Variants in ZPLD1 observed in about 807,000 individuals in gnomAD.
ZPLD1 encodes zona pellucida like domain containing 1.
In ZPLD1, 34 loss-of-function variants were observed where a neutral mutation model predicts 47.2. The observed-to-expected ratio is 0.72, with a 90% confidence interval of 0.55 to 0.96. The LOEUF (loss-of-function observed/expected upper bound fraction) is 0.96, where lower values mean the gene tolerates loss of function less well. ZPLD1 is among the 40% of genes least tolerant of loss of function. The pLI is 0.00. For missense variants in ZPLD1, 512 were observed against 505.8 expected (o/e 1.01, Z -0.12); for synonymous variants, 176 against 186.2 (o/e 0.95, Z 0.45).
chr3:102,467,132 G>A (rs926094103), intron 8 of ZPLD1, among the ~76,000 whole-genome samples: 2 of 151,898 alleles, frequency 1.3e-5, no homozygotes, highest in Admixed American at 6.6e-5. Flanking sequence ...AAATCTAAAC[G>A]ACATACGCAA....
chr3:102,425,712 T>A (rs1358302225), intron 8 of ZPLD1, among the ~76,000 whole-genome samples: 1 of 152,090 alleles, frequency 6.6e-6, no homozygotes, highest in East Asian at 1.9e-4. Context: ...ATAATTTTCT[T>A]AGATTATGTT....
intron 6 of ZPLD1, among the ~76,000 whole-genome samples, chr3:102,387,930 C>T (rs1040802681): frequency 1.6e-4 from 23 of 146,830 alleles, no homozygotes; most frequent in African/African-American, 5.4e-4. Context: ...GTGCGATCTC[C>T]GCTCACTGCA....
At position 102,464,192 on chromosome 3, in the gene ZPLD1, T is replaced by C; in HGVS notation, c.702T>C (p.Tyr234=). 1 of 1,612,772 alleles carries C rather than the reference T, an allele frequency of 6.2e-7. No individual in the cohort carries two copies. The highest frequency in any genetic ancestry group is 8.5e-7 in the Non-Finnish European group (1 of 1,178,922). Residue 234 remains tyrosine, a synonymous_variant, in exon 8 of 12, where the codon TAT becomes TAC. Coordinates refer to ENST00000466937, the MANE Select transcript of ZPLD1 (RefSeq NM_001329788.2). ...LDGRWNVLMD[Y]CYTTPSGNPN... Reference sequence around the variant, plus strand: ...TCAGATGGAATGTTTTAATGGATTATTGCTATACTACCCCATCAGGAAACC... The same window carrying C: ...TCAGATGGAATGTTTTAATGGATTACTGCTATACTACCCCATCAGGAAACC...
intron 8 of ZPLD1, among the ~76,000 whole-genome samples, chr3:102,428,561 T>G (rs1706978233): frequency 6.6e-6 from 1 of 151,958 alleles, no homozygotes; most frequent in Non-Finnish European, 1.5e-5. Flanking sequence ...ATTTGATTGA[T>G]GTACTGAAAA....
chr3:102,423,571 T>C (rs927569480), intron 8 of ZPLD1, among the ~76,000 whole-genome samples: 4 of 152,150 alleles, frequency 2.6e-5, no homozygotes, highest in Non-Finnish European at 5.9e-5. Flanking sequence ...TTTTCTCCAG[T>C]AAATTTACCT....
chr3:102,464,139 A>G (rs1311812421), intron 7 of ZPLD1, 32 bp from the exon 8 acceptor site: 1 of 1,493,018 alleles, frequency 6.7e-7, no homozygotes, highest in East Asian at 2.3e-5. Context: ...GGAAATTCTG[A>G]CTCTAGATTA....
Position 102,468,993 on chromosome 3 carries a change from T to C in ZPLD1, c.791T>C (p.Ile264Thr), listed in dbSNP as rs775454057. 2.6e-5 allele frequency: 42 copies of C among 1,613,884 alleles called. No homozygotes were observed. The highest frequency in any genetic ancestry group is 1.6e-4 in the South Asian group (15 of 91,036). Residue 264 changes from isoleucine (I) to threonine (T), a missense_variant, in exon 9 of 12, where the codon ATT becomes ACT. By Grantham distance (89) the Ile-to-Thr change is moderately conservative. Coordinates refer to ENST00000466937, the MANE Select transcript of ZPLD1 (RefSeq NM_001329788.2). Reference sequence around the variant, plus strand: ...GACAAGGACCCTCAGACCACCGTCATTGAGAATGGCCGAAGCCAGCGGGGC... The same window carrying C: ...GACAAGGACCCTCAGACCACCGTCACTGAGAATGGCCGAAGCCAGCGGGGC... Reference protein sequence around the residue: ...SCDKDPQTTVIENGRSQRGRF... With the variant: ...SCDKDPQTTVTENGRSQRGRF...
intron 8 of ZPLD1, among the ~76,000 whole-genome samples, chr3:102,427,360 T>C (rs905416240): frequency 2.0e-5 from 3 of 152,180 alleles, no homozygotes; most frequent in African/African-American, 7.2e-5. Context: ...GAGATTAGGC[T>C]GTAAGATCTC....
intron 8 of ZPLD1, among the ~76,000 whole-genome samples, chr3:102,425,404 A>G (rs191538400): frequency 6.6e-6 from 1 of 152,258 alleles, no homozygotes; most frequent in African/African-American, 2.4e-5. Flanking sequence ...TTTATGTTCA[A>G]ATTTGCCAAA....
chr3:102,397,016 GTAT>G (rs2107288743), intron 7 of ZPLD1, among the ~76,000 whole-genome samples: 1 of 152,238 alleles, frequency 6.6e-6, no homozygotes, highest in South Asian at 2.1e-4. Flanking sequence ...AAAGTGCTTA[GTAT>G]TAATTACAGG....
rs1049551373 is a variant in ZPLD1 at position 102,479,206 on chromosome 3, C to G, written c.*1588C>G. On this transcript the variant is annotated 3_prime_UTR_variant, in exon 12 of 12. Transcript: ENST00000466937. ...ATTTCTTTACAAAAAAAGTTTAAAT[C>G]ACATAAAAAGCCAATCTACTCTTCC... is the stretch of plus-strand genomic sequence containing the variant. The G allele has an allele frequency of 1.2e-4, 18 of 152,056 alleles. No homozygotes were observed. The highest frequency in any genetic ancestry group is 2.2e-4 in the Non-Finnish European group (15 of 67,984). 9.4% of individuals were successfully genotyped at this position (152,056 alleles called of 1,614,324 possible).
At chr3:102,391,921 G>C (rs1274783516) in intron 6 of ZPLD1, among the ~76,000 whole-genome samples, 1 of 152,056 alleles carries the variant, frequency 6.6e-6, no homozygotes, top group African/African-American at 2.4e-5. Context: ...TCTGCAACCT[G>C]CTTTTTCGAG....
intron 1 of ZPLD1, among the ~76,000 whole-genome samples, chr3:102,436,341 T>A (rs556178253): frequency 2.0e-5 from 3 of 152,218 alleles, no homozygotes; most frequent in Non-Finnish European, 2.9e-5. Context: ...GTCTCTTTTT[T>A]AAAAATAATT....
intron 7 of ZPLD1, among the ~76,000 whole-genome samples, chr3:102,408,021 T>C (rs1706710647): frequency 1.3e-5 from 2 of 151,832 alleles, no homozygotes; most frequent in South Asian, 4.1e-4. Context: ...TGTTTTTTGC[T>C]GTATGTCACA....
At chr3:102,423,689 G>A (rs1230358979) in intron 8 of ZPLD1, among the ~76,000 whole-genome samples, 1 of 152,068 alleles carries the variant, frequency 6.6e-6, no homozygotes, top group African/African-American at 2.4e-5. Context: ...CCTCGACTAT[G>A]ATTTCTCACC....
In ZPLD1 at chr3:102,440,822, C is replaced by T. The variant is rs78572433; in HGVS notation, c.106+2229C>T. ...CCTGAGGCAGGAGTTGAAATCAATT[C>T]CTGGGACTATAGAGGCCTGAGCATA... On this transcript the variant is annotated intron_variant, in intron 3 of 11. Transcript: ENST00000466937. 5.8e-3 allele frequency among the ~76,000 whole-genome samples: 867 copies of T among 149,754 alleles called. 2 individuals carry two copies. The highest frequency in any genetic ancestry group is 8.1e-3 in the Non-Finnish European group (549 of 67,738).
At chr3:102,454,593 C>G in intron 4 of ZPLD1, among the ~76,000 whole-genome samples, 1 of 152,226 alleles carries the variant, frequency 6.6e-6, no homozygotes, top group East Asian at 1.9e-4. Context: ...CAGTGGCTAA[C>G]TCCTGTAATC....
At chr3:102,411,177 TG>T (rs879270777) in intron 7 of ZPLD1, among the ~76,000 whole-genome samples, 12 of 151,748 alleles carry the variant, frequency 7.9e-5, no homozygotes, top group Non-Finnish European at 1.5e-4. Flanking sequence ...AGTATTTAAC[TG>T]TGGGAAAAAA....
Position 102,406,576 on chromosome 3 carries a change from A to T in ZPLD1, c.-156-11484A>T, listed in dbSNP as rs78445789. Among the ~76,000 whole-genome samples, 526 of 152,068 alleles carry T rather than the reference A, an allele frequency of 3.5e-3. 1 individual carries two copies. The highest frequency in any genetic ancestry group is 0.012 in the African/African-American group (513 of 41,530). ...CACTTCTCTAAATGGTTGATCAAAT[A>T]TATCGATTATGGTTAACTTCACTTG... On this transcript the variant is annotated intron_variant, in intron 7 of 17. Coordinates refer to the ZPLD1 transcript ENST00000491959.
Sources: gnomAD v4.1 joint callset for allele counts (sites outside exome capture counted in the v4.1 genomes callset) on GRCh38, gnomAD v4.1.1 for gene constraint, MANE v1.5 for transcripts, NCBI Gene and HGNC (gene_info 2026-07-23, HGNC 2026-07-21) for gene names.